Variants in SFMBT1 observed in about 807,000 individuals in gnomAD.
The protein encoded by SFMBT1 is scm-like with four MBT domains protein 1.
Under a neutral mutation model 108.7 loss-of-function variants are expected in SFMBT1, and 32 were observed. The ratio of observed to expected loss-of-function variants is 0.29; its 90% confidence interval spans 0.22 to 0.40. SFMBT1 has a LOEUF of 0.40. Among genes scored for constraint, SFMBT1 ranks in the 10% least tolerant of loss-of-function variants. The pLI is 1.00. For missense variants in SFMBT1, 816 were observed against 1,059.6 expected (o/e 0.77, Z 3.19); for synonymous variants, 348 against 369.5 (o/e 0.94, Z 0.67).
chr3:53,031,472 G>A (rs1699684283), intron 1 of SFMBT1, among the ~76,000 whole-genome samples: 2 of 151,998 alleles, frequency 1.3e-5, no homozygotes, highest in Non-Finnish European at 2.9e-5. Context: ...ATGAAGATGA[G>A]GAAAGGCATT....
chr3:53,022,545 A>G (rs779818609), intron 1 of SFMBT1, among the ~76,000 whole-genome samples: 6 of 152,038 alleles, frequency 3.9e-5, no homozygotes, highest in Non-Finnish European at 8.8e-5. Context: ...AGCAAAATAC[A>G]CTATAGACAT....
At chr3:52,906,961 A>C (rs748840269) in intron 19 of SFMBT1, 108 bp downstream of exon 19, 4 of 1,368,970 alleles carry the variant, frequency 2.9e-6, no homozygotes, top group Non-Finnish European at 2.9e-6. Context: ...GAAATTCTAC[A>C]TAAGTCTGTA....
chr3:52,918,548 T>C (rs1359331017), intron 12 of SFMBT1, 22 bp from the exon 13 acceptor site: 2 of 1,463,686 alleles, frequency 1.4e-6, no homozygotes, highest in South Asian at 1.3e-5. Flanking sequence ...AAAAAATATA[T>C]AAATGCCAAG....
At chr3:52,907,022 AT>A in intron 19 of SFMBT1, 46 bp downstream of exon 19, 1 of 1,560,350 alleles carries the variant, frequency 6.4e-7, no homozygotes, top group Admixed American at 2.0e-5. Flanking sequence ...CCAGATGGAA[AT>A]TCCAGAGAGA....
chr3:52,987,423 ACAT>A (rs1704963654), intron 1 of SFMBT1, among the ~76,000 whole-genome samples: 1 of 152,186 alleles, frequency 6.6e-6, no homozygotes, highest in South Asian at 2.1e-4. Context: ...GATGGCTACT[ACAT>A]CATCATTAGG....
chr3:53,027,069 C>T (rs778110271), intron 1 of SFMBT1, among the ~76,000 whole-genome samples: 14 of 152,156 alleles, frequency 9.2e-5, no homozygotes, highest in African/African-American at 2.7e-4. Context: ...AGGCATGACC[C>T]ACCATGCCCA....
chr3:53,024,623 G>A (rs935471908), intron 1 of SFMBT1, among the ~76,000 whole-genome samples: 4 of 152,192 alleles, frequency 2.6e-5, no homozygotes, highest in African/African-American at 7.2e-5. Flanking sequence ...ACAGCTAAGA[G>A]GCTCCCGAAA....
At chr3:52,996,142 AT>A (rs1698322622) in intron 1 of SFMBT1, among the ~76,000 whole-genome samples, 1 of 148,170 alleles carries the variant, frequency 6.7e-6, no homozygotes, top group East Asian at 2.0e-4. Flanking sequence ...TTAAAAAGAA[AT>A]TTTTTTGCAA....
intron 1 of SFMBT1, among the ~76,000 whole-genome samples, chr3:52,997,389 A>G (rs1698373576): frequency 6.7e-6 from 1 of 149,612 alleles, no homozygotes; most frequent in Admixed American, 6.8e-5. Flanking sequence ...ACAAAAAATT[A>G]GTCTGATGTG....
At chr3:52,912,412 T>C in intron 16 of SFMBT1, 126 bp downstream of exon 16, 2 of 652,444 alleles carry the variant, frequency 3.1e-6, no homozygotes, top group Non-Finnish European at 5.4e-6. Flanking sequence ...ACTCCTGACC[T>C]TGTGATCCGC....
chr3:52,918,557 A>C, intron 12 of SFMBT1, 31 bp from the exon 13 acceptor site: 1 of 1,426,542 alleles, frequency 7.0e-7, no homozygotes, highest in Non-Finnish European at 9.5e-7. Context: ...ATAAATGCCA[A>C]GAAAAATAAA....
At chr3:52,907,378 A>T (rs1702091154) in intron 18 of SFMBT1, 64 bp from the exon 19 acceptor site, 1 of 1,471,354 alleles carries the variant, frequency 6.8e-7, no homozygotes, top group African/African-American at 1.4e-5. Context: ...TCATATGATT[A>T]AAAAAAAATA....
intron 2 of SFMBT1, among the ~76,000 whole-genome samples, chr3:52,957,596 G>T (rs1703822435): frequency 6.6e-6 from 1 of 152,138 alleles, no homozygotes; most frequent in South Asian, 2.1e-4. Context: ...CATGATACTT[G>T]TACAAAAACA....
chr3:52,944,406 G>A (rs1372040484), intron 3 of SFMBT1, among the ~76,000 whole-genome samples: 7 of 152,214 alleles, frequency 4.6e-5, no homozygotes, highest in Non-Finnish European at 8.8e-5. Context: ...GAATAATAGA[G>A]ATGGAGACAA....
intron 1 of SFMBT1, among the ~76,000 whole-genome samples, chr3:53,043,452 A>T (rs917395484): frequency 2.0e-5 from 3 of 152,250 alleles, no homozygotes; most frequent in Non-Finnish European, 2.9e-5. Context: ...TTACGCACAC[A>T]TTCTTAATTC....
At chr3:53,029,892 G>T (rs1337142053) in intron 1 of SFMBT1, among the ~76,000 whole-genome samples, 1 of 151,778 alleles carries the variant, frequency 6.6e-6, no homozygotes, top group Admixed American at 6.6e-5. Context: ...CTCTACCCTT[G>T]GCATCTTGGG....
intron 1 of SFMBT1, among the ~76,000 whole-genome samples, chr3:53,027,530 T>A (rs143112494): frequency 3.9e-5 from 6 of 152,296 alleles, no homozygotes; most frequent in Admixed American, 3.9e-4. Flanking sequence ...ATGAGAAAAT[T>A]CAACTTTTTA....
At chr3:52,985,607 T>C (rs1704877026) in intron 1 of SFMBT1, among the ~76,000 whole-genome samples, 3 of 152,246 alleles carry the variant, frequency 2.0e-5, no homozygotes, top group Admixed American at 2.0e-4. Context: ...CAGTCATGCA[T>C]CGCTTAATAA....
At chr3:53,010,124 A>G (rs1161839227) in intron 1 of SFMBT1, among the ~76,000 whole-genome samples, 3 of 152,250 alleles carry the variant, frequency 2.0e-5, no homozygotes, top group Non-Finnish European at 2.9e-5. Flanking sequence ...AAACAAGCTA[A>G]AAGCAAGCAA....
Sources: allele counts gnomAD v4.1 joint callset (sites outside exome capture counted in the v4.1 genomes callset), GRCh38; gene constraint gnomAD v4.1.1; transcripts MANE v1.5; gene names NCBI Gene and HGNC (gene_info 2026-07-23, HGNC 2026-07-21).